TTC28: variants seen among roughly 807,000 people sequenced by gnomAD.
TTC28 encodes tetratricopeptide repeat domain 28, also known as tetratricopeptide repeat protein 28.
Under a neutral mutation model 198.0 loss-of-function variants are expected in TTC28, and 61 were observed. The observed-to-expected ratio is 0.31, with a 90% CI of 0.25 to 0.38. TTC28 has a LOEUF of 0.38. Ranked by LOEUF, TTC28 falls within the 10% of genes least tolerant of loss-of-function variation. The pLI, the probability that TTC28 is intolerant of heterozygous loss-of-function variation, is 1.00. For synonymous variants in TTC28, 1,171 were observed against 1,297.8 expected, an observed-to-expected ratio of 0.90 and a Z score of 2.10; for missense variants, 2,678 against 3,164.0, an observed-to-expected ratio of 0.85 and a Z score of 3.69.
chr22:28,313,880 AG>A (rs1361394404), intron 2 of TTC28, among the ~76,000 whole-genome samples: 5 of 152,122 alleles, frequency 3.3e-5, no homozygotes, highest in African/African-American at 7.2e-5. Context: ...GGCAAGAAAA[AG>A]CAATAAAGCA....
intron 6 of TTC28, among the ~76,000 whole-genome samples, chr22:28,162,384 A>G (rs1266012634): frequency 6.6e-6 from 1 of 152,240 alleles, no homozygotes; most frequent in Non-Finnish European, 1.5e-5. Flanking sequence ...TAATTCACCA[A>G]GTAAAGAAAT....
At chr22:28,524,941 C>T (rs1050954594) in intron 2 of TTC28, among the ~76,000 whole-genome samples, 21 of 152,088 alleles carry the variant, frequency 1.4e-4, no homozygotes, top group Admixed American at 1.2e-3. Flanking sequence ...GGCAAAGATT[C>T]ATGCAATAAT....
intron 1 of TTC28, among the ~76,000 whole-genome samples, chr22:28,652,715 C>A (rs1257862904): frequency 3.3e-5 from 5 of 152,056 alleles, no homozygotes; most frequent in Non-Finnish European, 7.4e-5. Flanking sequence ...AATATTTCTT[C>A]AAAAAAATCT....
chr22:28,459,101 T>C (rs2047909485), intron 2 of TTC28, among the ~76,000 whole-genome samples: 1 of 151,972 alleles, frequency 6.6e-6, no homozygotes, highest in Non-Finnish European at 1.5e-5. Flanking sequence ...TTTTCATTCC[T>C]ACTCCAAAGA....
At position 28,482,207 on chromosome 22, in the gene TTC28, C is replaced by CTTTTT. The variant is rs36011379; in HGVS notation, c.381+147340_381+147344dup. ...GCTAGTAGAGATAGTAATGGGCAGT[C>CTTTTT]TTTTTTTTTTTTTTTTTTTTTTTTT... On this transcript the variant is annotated intron_variant, in intron 2 of 22. Transcript: ENST00000397906. Among the ~76,000 whole-genome samples the CTTTTT allele has an allele frequency of 4.5e-3, 304 of 66,938 alleles. 43 individuals carry two copies. Among genetic ancestry groups the CTTTTT allele is most frequent in the East Asian group, 0.018 (32 of 1,774 alleles). The allele number at this position is 66,938 out of a possible 152,430, so 43.9% of individuals were successfully genotyped here. A position where few individuals can be genotyped will look rare whatever the true frequency, so the allele number is the denominator to read the frequency against.
intron 2 of TTC28, among the ~76,000 whole-genome samples, chr22:28,481,100 A>T (rs1463655773): frequency 6.6e-6 from 1 of 152,210 alleles, no homozygotes; most frequent in Non-Finnish European, 1.5e-5. Context: ...ATTCTTTGTG[A>T]TATATTGCAT....
intron 6 of TTC28, among the ~76,000 whole-genome samples, chr22:28,114,358 C>T (rs1413146947): frequency 6.6e-6 from 1 of 152,130 alleles, no homozygotes; most frequent in East Asian, 1.9e-4. Context: ...AGTTCTTCTA[C>T]ATTGTACTTA....
At chr22:28,320,471 A>G (rs1303123045) in intron 2 of TTC28, among the ~76,000 whole-genome samples, 1 of 152,200 alleles carries the variant, frequency 6.6e-6, no homozygotes, top group African/African-American at 2.4e-5. Flanking sequence ...GATTCCCGCC[A>G]CTGCTAGAAA....
intron 1 of TTC28, among the ~76,000 whole-genome samples, chr22:28,650,098 CTT>C (rs2051541583): frequency 6.6e-6 from 1 of 152,140 alleles, no homozygotes; most frequent in Admixed American, 6.6e-5. Flanking sequence ...ACATCAAAGA[CTT>C]TAACTCATTA....
chr22:28,297,444 A>G (rs1025916227), intron 4 of TTC28, 136 bp downstream of exon 4: 2 of 1,079,950 alleles, frequency 1.9e-6, no homozygotes, highest in South Asian at 1.9e-5. Context: ...GCCTTAAGCA[A>G]TCCTCCCAAA....
intron 2 of TTC28, among the ~76,000 whole-genome samples, chr22:28,421,431 T>C (rs531396314): frequency 2.4e-4 from 37 of 152,304 alleles, no homozygotes; most frequent in Non-Finnish European, 2.4e-4. Context: ...TTACAAATCA[T>C]TGTATCATCA....
At chr22:28,586,324 C>T (rs1227579266) in intron 2 of TTC28, among the ~76,000 whole-genome samples, 2 of 150,752 alleles carry the variant, frequency 1.3e-5, no homozygotes, top group Admixed American at 6.6e-5. Flanking sequence ...TCAATTTTAA[C>T]TGTGTTTTAG....
At chr22:28,081,152 T>TACACAC (rs59531236) in intron 12 of TTC28, among the ~76,000 whole-genome samples, 1 of 149,128 alleles carries the variant, frequency 6.7e-6, no homozygotes, top group African/African-American at 2.5e-5. Context: ...TGGACATACA[T>TACACAC]ACACACACAC....
chr22:28,359,641 A>G (rs968182775), intron 2 of TTC28, among the ~76,000 whole-genome samples: 1 of 152,182 alleles, frequency 6.6e-6, no homozygotes, highest in Admixed American at 6.5e-5. Context: ...ATATGGATAT[A>G]TATCAAGAAA....
At chr22:28,624,006 CA>C (rs926493920) in intron 2 of TTC28, among the ~76,000 whole-genome samples, 7 of 149,730 alleles carry the variant, frequency 4.7e-5, no homozygotes, top group Non-Finnish European at 1.0e-4. Context: ...AAAGTAAATG[CA>C]AAAAAAAGTA....
intron 5 of TTC28, among the ~76,000 whole-genome samples, chr22:28,279,265 T>C (rs1275704486): frequency 6.6e-6 from 1 of 152,222 alleles, no homozygotes; most frequent in Non-Finnish European, 1.5e-5. Context: ...TAGTATACTT[T>C]ACCCCTAAAT....
At chr22:28,348,021 A>C (rs1051638454) in intron 2 of TTC28, among the ~76,000 whole-genome samples, 37 of 152,270 alleles carry the variant, frequency 2.4e-4, no homozygotes, top group African/African-American at 8.7e-4. Flanking sequence ...TTCTTTCTCA[A>C]GTAACAAACA....
At chr22:28,452,270 G>A (rs1014546839) in intron 2 of TTC28, among the ~76,000 whole-genome samples, 2 of 151,458 alleles carry the variant, frequency 1.3e-5, no homozygotes, top group Non-Finnish European at 2.9e-5. Context: ...TGCACCTGTA[G>A]TCCCAGCTAC....
chr22:28,266,398 T>G (rs1465049912), intron 5 of TTC28, among the ~76,000 whole-genome samples: 2 of 152,158 alleles, frequency 1.3e-5, no homozygotes, highest in East Asian at 3.8e-4. Context: ...ATCAGATAAT[T>G]AAGCCACCAC....
Sources: gnomAD v4.1 joint callset for allele counts (sites outside exome capture counted in the v4.1 genomes callset) on GRCh38, gnomAD v4.1.1 for gene constraint, MANE v1.5 for transcripts, NCBI Gene and HGNC (gene_info 2026-07-23, HGNC 2026-07-21) for gene names.